The following PDZRN3 variants were observed in gnomAD, a reference collection of about 807,000 sequenced individuals.
The protein encoded by PDZRN3 is E3 ubiquitin-protein ligase PDZRN3.
PDZRN3 carries 38 observed loss-of-function variants against 85.7 expected under a neutral mutation model. That is an observed-to-expected ratio of 0.44 (90% CI 0.34 to 0.58). The LOEUF is 0.58. Among genes scored for constraint, PDZRN3 ranks in the 20% least tolerant of loss-of-function variants. The pLI, the probability that PDZRN3 is intolerant of heterozygous loss-of-function variation, is 0.01. For missense variants in PDZRN3, 1,629 were observed against 1,506.4 expected (o/e 1.08, Z -1.35); for synonymous variants, 759 against 638.0 (o/e 1.19, Z -2.86).
intron 3 of PDZRN3, chr3:73,408,000 A>G: frequency 3.3e-6 from 2 of 607,200 alleles, no homozygotes. Context: ...CATCCCACAC[A>G]AGAATGTCCC....
chr3:73,602,295 C>A, intron 3 of PDZRN3, 59 bp downstream of exon 3: 1 of 922,208 alleles, frequency 1.1e-6, no homozygotes, highest in Middle Eastern at 2.2e-4. Flanking sequence ...TTGCTTTGAG[C>A]TAGACGAAGA....
intron 3 of PDZRN3, among the ~76,000 whole-genome samples, chr3:73,430,532 C>T (rs1559675775): frequency 6.6e-6 from 1 of 152,170 alleles, no homozygotes; most frequent in African/African-American, 2.4e-5. Flanking sequence ...CTCTTCCTGG[C>T]CTCCATTGGA....
chr3:73,410,709 G>T (rs1305412654), intron 3 of PDZRN3, among the ~76,000 whole-genome samples: 3 of 152,196 alleles, frequency 2.0e-5, no homozygotes, highest in African/African-American at 7.2e-5. Flanking sequence ...TAGTAAAACA[G>T]ATGAGTCTTA....
intron 3 of PDZRN3, among the ~76,000 whole-genome samples, chr3:73,582,021 GC>G (rs1446536674): frequency 6.6e-6 from 1 of 151,998 alleles, no homozygotes; most frequent in Non-Finnish European, 1.5e-5. Context: ...GATCACTTGA[GC>G]CCAGGAGGTT....
intron 3 of PDZRN3, among the ~76,000 whole-genome samples, chr3:73,589,394 C>G (rs1445373707): frequency 6.6e-6 from 1 of 152,094 alleles, no homozygotes; most frequent in Non-Finnish European, 1.5e-5. Flanking sequence ...CAAAAAGCAA[C>G]GAACACTTGT....
At chr3:73,554,353 GACACACACAC>G (rs35130068) in intron 3 of PDZRN3, among the ~76,000 whole-genome samples, 22 of 147,562 alleles carry the variant, frequency 1.5e-4, no homozygotes, top group Non-Finnish European at 2.7e-4. Flanking sequence ...GTTGAGAGAA[GACACACACAC>G]ACACACACAC....
At chr3:73,549,294 G>A (rs972509692) in intron 3 of PDZRN3, among the ~76,000 whole-genome samples, 7 of 152,124 alleles carry the variant, frequency 4.6e-5, no homozygotes, top group South Asian at 2.1e-4. Context: ...ATTCATTAGC[G>A]GTCTGTCAAA....
At chr3:73,425,437 A>G (rs1337937601) in intron 3 of PDZRN3, among the ~76,000 whole-genome samples, 1 of 152,110 alleles carries the variant, frequency 6.6e-6, no homozygotes, top group African/African-American at 2.4e-5. Flanking sequence ...GTGTTTAAAC[A>G]TGCCCTCCTG....
chr3:73,601,186 C>T (rs1272004977), intron 3 of PDZRN3, among the ~76,000 whole-genome samples: 1 of 152,162 alleles, frequency 6.6e-6, no homozygotes, highest in South Asian at 2.1e-4. Flanking sequence ...CCAGATGAGA[C>T]TGGAAATGCA....
chr3:73,533,829 C>A (rs949759727), intron 3 of PDZRN3, among the ~76,000 whole-genome samples: 3 of 152,112 alleles, frequency 2.0e-5, no homozygotes, highest in African/African-American at 4.8e-5. Flanking sequence ...TCATTTTCTC[C>A]CCTCTGCATG....
chr3:73,390,517 G>T (rs1007799889), intron 6 of PDZRN3, among the ~76,000 whole-genome samples: 4 of 152,096 alleles, frequency 2.6e-5, no homozygotes, highest in African/African-American at 9.7e-5. Flanking sequence ...CAGTTGATTT[G>T]TATTATCTTC....
At chr3:73,580,012 A>T (rs1002384511) in intron 3 of PDZRN3, among the ~76,000 whole-genome samples, 3 of 152,134 alleles carry the variant, frequency 2.0e-5, no homozygotes, top group Non-Finnish European at 4.4e-5. Flanking sequence ...TCCACCTATC[A>T]TTTCCATGTT....
At chr3:73,389,966 T>A in intron 6 of PDZRN3, 88 bp from the exon 7 acceptor site, 1 of 918,900 alleles carries the variant, frequency 1.1e-6, no homozygotes, top group Non-Finnish European at 1.8e-6. Flanking sequence ...TAAAACACAG[T>A]CATGCTCACC....
At chr3:73,597,220 G>T (rs917504730) in intron 3 of PDZRN3, among the ~76,000 whole-genome samples, 1 of 152,116 alleles carries the variant, frequency 6.6e-6, no homozygotes, top group African/African-American at 2.4e-5. Context: ...ATCTCACTTT[G>T]TTCCACCAAG....
At chr3:73,559,956 T>C (rs1488909755) in intron 3 of PDZRN3, among the ~76,000 whole-genome samples, 1 of 152,210 alleles carries the variant, frequency 6.6e-6, no homozygotes, top group Non-Finnish European at 1.5e-5. Context: ...TCACATACAC[T>C]ATTTTCTGTC....
intron 3 of PDZRN3, among the ~76,000 whole-genome samples, chr3:73,567,810 G>C (rs1701976211): frequency 6.6e-6 from 1 of 152,156 alleles, no homozygotes; most frequent in Non-Finnish European, 1.5e-5. Context: ...AAGGGTGTCT[G>C]GTATGTCAGG....
At chr3:73,385,015 G>C in intron 9 of PDZRN3, 85 bp from the exon 10 acceptor site, 1 of 1,467,222 alleles carries the variant, frequency 6.8e-7, no homozygotes, top group Non-Finnish European at 9.2e-7. Context: ...GCGGTTTCTG[G>C]ATAGGGCAGG....
chr3:73,385,643 G>T (rs887791550), intron 9 of PDZRN3, 26 bp downstream of exon 9: 3 of 1,361,250 alleles, frequency 2.2e-6, no homozygotes, highest in African/African-American at 2.8e-5. Context: ...AGGGCAGAGT[G>T]TCAGGGACTG....
intron 3 of PDZRN3, among the ~76,000 whole-genome samples, chr3:73,538,294 C>T (rs6549552): frequency 0.45 from 68,106 of 152,046 alleles, 16,281 homozygotes; most frequent in Admixed American, 0.55. Context: ...GCAGAGAACA[C>T]GCATGCACTA....
Sources: gnomAD v4.1 joint callset for allele counts (sites outside exome capture counted in the v4.1 genomes callset) on GRCh38, gnomAD v4.1.1 for gene constraint, MANE v1.5 for transcripts, NCBI Gene and HGNC (gene_info 2026-07-23, HGNC 2026-07-21) for gene names.